The following CNTN3 variants were observed in gnomAD, a reference collection of about 807,000 sequenced individuals.
The protein encoded by CNTN3 is contactin-3.
Under a neutral mutation model 119.1 loss-of-function variants are expected in CNTN3, and 60 were observed. That is an observed-to-expected ratio of 0.50 (90% confidence interval 0.41 to 0.62). The LOEUF is 0.62. Among genes scored for constraint, CNTN3 ranks in the 20% least tolerant of loss-of-function variants. The probability of loss-of-function intolerance (pLI) is 0.00; values close to 1 mark genes in which losing one functional copy is unlikely to be tolerated. For synonymous variants in CNTN3, 450 were observed against 438.7 expected (o/e 1.03, Z -0.32); for missense variants, 1,101 against 1,242.4 (o/e 0.89, Z 1.71).
At chr3:74,288,179 G>A (rs1345960312) in intron 19 of CNTN3, among the ~76,000 whole-genome samples, 2 of 85,082 alleles carry the variant, frequency 2.4e-5, no homozygotes, top group Admixed American at 2.7e-4. Context: ...TTTTTTTTGA[G>A]ACAGAGTCTC....
At chr3:74,549,466 G>A (rs1341880033) in intron 1 of CNTN3, among the ~76,000 whole-genome samples, 2 of 152,102 alleles carry the variant, frequency 1.3e-5, no homozygotes, top group East Asian at 3.9e-4. Flanking sequence ...AGCAACATAG[G>A]GCAAGTATAT....
At chr3:74,401,514 A>G (rs12485865) in intron 5 of CNTN3, among the ~76,000 whole-genome samples, 58,502 of 150,478 alleles carry the variant, frequency 0.39, 11,985 homozygotes, top group East Asian at 0.64. Context: ...ACACGCGCGC[A>G]CGCACACACA....
intron 19 of CNTN3, among the ~76,000 whole-genome samples, chr3:74,293,130 A>G (rs1049334442): frequency 2.6e-5 from 4 of 152,190 alleles, no homozygotes; most frequent in Non-Finnish European, 5.9e-5. Flanking sequence ...ACAGATAGTT[A>G]CTAAAAATAT....
At chr3:74,432,519 C>T (rs117383118) in intron 4 of CNTN3, among the ~76,000 whole-genome samples, 3 of 152,230 alleles carry the variant, frequency 2.0e-5, no homozygotes, top group East Asian at 1.9e-4. Context: ...TCCCATGCAA[C>T]GATTCAGTTT....
intron 4 of CNTN3, among the ~76,000 whole-genome samples, chr3:74,446,683 G>GTT (rs10669743): frequency 0.23 from 30,908 of 136,746 alleles, 3,331 homozygotes; most frequent in Admixed American, 0.27. Context: ...AATTTTACTT[G>GTT]TTTTTTTTTT....
chr3:74,391,614 T>C (rs1704905120), intron 5 of CNTN3, among the ~76,000 whole-genome samples: 2 of 136,430 alleles, frequency 1.5e-5, no homozygotes, highest in South Asian at 4.9e-4. Flanking sequence ...TCCCCCAGGC[T>C]GGAGTGCAGC....
At chr3:74,593,575 C>T (rs1000348034) in intron 1 of CNTN3, among the ~76,000 whole-genome samples, 3 of 151,956 alleles carry the variant, frequency 2.0e-5, no homozygotes, top group Admixed American at 6.6e-5. Context: ...ATAATTACAA[C>T]TATCAATGAT....
intron 1 of CNTN3, among the ~76,000 whole-genome samples, chr3:74,596,023 A>T (rs553640919): frequency 2.0e-5 from 3 of 152,184 alleles, no homozygotes; most frequent in Non-Finnish European, 2.9e-5. Flanking sequence ...TACAAAAATC[A>T]CAAGCATTCT....
intron 8 of CNTN3, 63 bp from the exon 9 acceptor site, chr3:74,365,765 A>G: frequency 2.0e-6 from 3 of 1,522,444 alleles, no homozygotes; most frequent in Non-Finnish European, 2.7e-6. Flanking sequence ...AAATGTATTT[A>G]TTATTTTATT....
chr3:74,438,336 T>C (rs1243071959), intron 4 of CNTN3, among the ~76,000 whole-genome samples: 1 of 152,194 alleles, frequency 6.6e-6, no homozygotes, highest in Non-Finnish European at 1.5e-5. Context: ...GATCTTAGTC[T>C]GAAAAATGAA....
At chr3:74,536,628 T>C (rs889742501) in intron 1 of CNTN3, among the ~76,000 whole-genome samples, 1 of 152,116 alleles carries the variant, frequency 6.6e-6, no homozygotes, top group African/African-American at 2.4e-5. Context: ...TGGAATGAAC[T>C]TGGCAATTTC....
At position 74,514,707 on chromosome 3, in the gene CNTN3, G is replaced by A. The variant is rs539046316; in HGVS notation, c.55+6351C>T. On this transcript the variant is annotated intron_variant, in intron 2 of 22. Coordinates refer to ENST00000263665, the MANE Select transcript of CNTN3 (RefSeq NM_020872.3). The stretch of plus-strand genomic sequence containing the variant: ...TAGTTCTTGCAAAATAATTTTAAAT[G>A]CAAAATATCTCTATTTAAAATAGTA... Among the ~76,000 whole-genome samples the A allele has an allele frequency of 3.3e-5, 5 of 152,152 alleles. No individual in the cohort carries two copies. In the South Asian group the frequency reaches 6.2e-4, roughly 19 times the overall value.
rs187337269 is a variant in CNTN3, at chr3:74,541,493, T to C, written c.-80-20301A>G. On this transcript the variant is annotated intron_variant, in intron 1 of 22. Transcript: ENST00000263665. ...ATTGAAAAAGTACACTGCAGAAGAA[T>C]AGAGTATATTATTTATATAAAATAC... Among the ~76,000 whole-genome samples the C allele has an allele frequency of 9.1e-4, 137 of 150,624 alleles. 1 individual carries two copies. Among genetic ancestry groups the C allele is most frequent in the Middle Eastern group, 6.8e-3 (2 of 292 alleles).
At chr3:74,492,697 G>T (rs1702986510) in intron 3 of CNTN3, among the ~76,000 whole-genome samples, 1 of 152,106 alleles carries the variant, frequency 6.6e-6, no homozygotes, top group Non-Finnish European at 1.5e-5. Flanking sequence ...GTGGCTGAGG[G>T]TATAAAAATC....
In CNTN3 at chr3:74,330,310, C is replaced by T. The variant is rs139586655; in HGVS notation, c.1668+4425G>A. 4.3e-3 allele frequency among the ~76,000 whole-genome samples: 655 copies of T among 151,474 alleles called. 2 individuals carry two copies. The highest frequency in any genetic ancestry group is 0.012 in the South Asian group (60 of 4,808). ...GGCAGAGGTTGCAGTGAGTCAAGAT[C>T]GTGCCACTGCACTCCAGCCTGAGTG... On this transcript the variant is annotated intron_variant, in intron 13 of 22. Coordinates refer to ENST00000263665, the MANE Select transcript of CNTN3 (RefSeq NM_020872.3).
At chr3:74,370,093 C>G (rs1704300241) in intron 6 of CNTN3, 102 bp from the exon 7 acceptor site, 2 of 620,452 alleles carry the variant, frequency 3.2e-6, no homozygotes, top group South Asian at 4.5e-5. Flanking sequence ...TGAACCAGCT[C>G]TTCTAGTGAT....
In CNTN3 at chr3:74,530,920, C is replaced by T. The variant is rs143385250; in HGVS notation, c.-80-9728G>A. Among the ~76,000 whole-genome samples, 346 of 151,958 alleles carry T rather than the reference C, an allele frequency of 2.3e-3. 2 individuals carry two copies. Among genetic ancestry groups the T allele is most frequent in the African/African-American group, 8.2e-3 (339 of 41,500 alleles). The stretch of plus-strand genomic sequence containing the variant: ...CCATGGAAGAACCACTGGAAGAAAA[C>T]GCCAGTTCTGCACTTCTAGCAAGTC... On this transcript the variant is annotated intron_variant, in intron 1 of 22. Transcript: ENST00000263665.
chr3:74,452,479 C>T lies in CNTN3; in HGVS notation c.359-27539G>A, dbSNP rs916675155. 1.1e-3 allele frequency among the ~76,000 whole-genome samples: 168 copies of T among 148,830 alleles called. 1 individual carries two copies. The South Asian group carries it at 0.021, about 19-fold the overall frequency. On this transcript the variant is annotated intron_variant, in intron 4 of 22. Transcript: ENST00000263665. ...TCTGCAAACAGGGACAATTTGACTT[C>T]CTCTTTTCCTAACCGAATACCCTTT...
intron 5 of CNTN3, among the ~76,000 whole-genome samples, chr3:74,414,602 T>A (rs1701489607): frequency 6.6e-6 from 1 of 152,104 alleles, no homozygotes; most frequent in African/African-American, 2.4e-5. Context: ...GACTGTGGAA[T>A]CTACATTTTA....
Sources: allele counts gnomAD v4.1 joint callset (sites outside exome capture counted in the v4.1 genomes callset), GRCh38; gene constraint gnomAD v4.1.1; transcripts MANE v1.5; gene names NCBI Gene and HGNC (gene_info 2026-07-23, HGNC 2026-07-21).